The following PDE1A variants were observed in gnomAD, a reference collection of about 807,000 sequenced individuals.
PDE1A encodes the protein phosphodiesterase 1A.
A neutral mutation model predicts 61.7 loss-of-function variants in PDE1A; 35 were observed. The ratio of observed to expected loss-of-function variants is 0.57; its 90% CI spans 0.43 to 0.75. The LOEUF is 0.75. Among genes scored for constraint, PDE1A ranks in the 30% least tolerant of loss-of-function variants. PDE1A has a pLI of 0.00. For synonymous variants in PDE1A, 232 were observed against 213.2 expected (o/e 1.09, Z -0.77); for missense variants, 597 against 630.6 (o/e 0.95, Z 0.57).
At chr2:182,371,954 T>C (rs1186533728) in intron 1 of PDE1A, among the ~76,000 whole-genome samples, 1 of 152,074 alleles carries the variant, frequency 6.6e-6, no homozygotes, top group Non-Finnish European at 1.5e-5. Context: ...CTGGCTTTTT[T>C]TATTTTTATT....
intron 1 of PDE1A, among the ~76,000 whole-genome samples, chr2:182,332,108 A>G (rs1161134245): frequency 5.3e-5 from 8 of 152,136 alleles, no homozygotes; most frequent in East Asian, 1.9e-4. Flanking sequence ...TTCATCTTCA[A>G]TCTATGATAT....
the PDE1A span, among the ~76,000 whole-genome samples, chr2:182,551,100 C>A: frequency 3.0e-4 from 45 of 149,870 alleles, no homozygotes; most frequent in Middle Eastern, 3.5e-3. Context: ...TTCTGTCTGG[C>A]GGAAACAAAT....
rs139003664 is a variant in PDE1A, at chr2:182,399,821, C to G, written c.53+26757G>C. ...TTATACTATAATCAATTTAGTCAGTCTCCTGTAATGGCAATCATTAAGATT... is the reference window on the plus strand; with the variant it reads ...TTATACTATAATCAATTTAGTCAGTGTCCTGTAATGGCAATCATTAAGATT... On this transcript the variant is annotated intron_variant, in intron 1 of 13. Coordinates refer to ENST00000351439, the Ensembl canonical transcript of PDE1A. Among the ~76,000 whole-genome samples, 48 of 152,088 alleles carry G rather than the reference C, an allele frequency of 3.2e-4. 1 individual carries two copies. In the East Asian group the frequency reaches 8.7e-3, roughly 28 times the overall value.
intron 2 of PDE1A, among the ~76,000 whole-genome samples, chr2:182,517,942 C>T (rs1401544176): frequency 6.6e-6 from 1 of 152,152 alleles, no homozygotes; most frequent in African/African-American, 2.4e-5. Flanking sequence ...CAGTTGCCTC[C>T]AGAAGAGAGA....
the PDE1A span, among the ~76,000 whole-genome samples, chr2:182,560,664 G>T: frequency 2.0e-5 from 3 of 152,252 alleles, no homozygotes; most frequent in South Asian, 6.2e-4. Flanking sequence ...GGTTGAACTA[G>T]TTTACAGTCC....
At chr2:182,599,744 T>C in the PDE1A span, among the ~76,000 whole-genome samples, 1 of 152,250 alleles carries the variant, frequency 6.6e-6, no homozygotes, top group African/African-American at 2.4e-5. Flanking sequence ...TGAAACTTAA[T>C]TTTAACTGGA....
rs190073885 is a variant in PDE1A, at chr2:182,158,619, T to G, written c.1517-11467A>C. On this transcript the variant is annotated intron_variant, in intron 13 of 13. Transcript: ENST00000409365. Reference sequence around the variant, plus strand: ...GAGTTGATATTAACTTGACTGAACTTCTATTGCTAACTCTACAAAAATTTC... The same window carrying G: ...GAGTTGATATTAACTTGACTGAACTGCTATTGCTAACTCTACAAAAATTTC... Among the ~76,000 whole-genome samples the G allele has an allele frequency of 1.4e-3, 218 of 152,316 alleles. 2 individuals carry two copies. Among genetic ancestry groups the G allele is most frequent in the African/African-American group, 5.1e-3 (211 of 41,564 alleles).
At chr2:182,298,823 C>A (rs1276799548) in intron 1 of PDE1A, among the ~76,000 whole-genome samples, 3 of 151,882 alleles carry the variant, frequency 2.0e-5, no homozygotes, top group African/African-American at 7.3e-5. Context: ...GAGAAGAAGT[C>A]TTGAGGACTC....
the PDE1A span, among the ~76,000 whole-genome samples, chr2:182,694,713 GAGA>G: frequency 2.0e-5 from 3 of 151,328 alleles, no homozygotes; most frequent in African/African-American, 7.3e-5. Context: ...AAAAATTCAA[GAGA>G]AGAAGAGCAA....
the PDE1A span, among the ~76,000 whole-genome samples, chr2:182,678,342 GA>G: frequency 6.6e-6 from 1 of 152,184 alleles, no homozygotes; most frequent in Admixed American, 6.5e-5. Context: ...AGAATCGTTT[GA>G]ACCTGGGAGG....
chr2:182,369,363 T>C (rs1214563927), intron 1 of PDE1A, among the ~76,000 whole-genome samples: 2 of 152,224 alleles, frequency 1.3e-5, no homozygotes, highest in Non-Finnish European at 2.9e-5. Flanking sequence ...TTAACATCTA[T>C]TTAGAAGACA....
At chr2:182,415,562 T>C (rs1702865016) in intron 1 of PDE1A, among the ~76,000 whole-genome samples, 10 of 152,174 alleles carry the variant, frequency 6.6e-5, no homozygotes, top group Admixed American at 6.5e-4. Context: ...TTATTTATAT[T>C]ATGATAGCAA....
At chr2:182,626,354 C>T in the PDE1A span, among the ~76,000 whole-genome samples, 1 of 151,982 alleles carries the variant, frequency 6.6e-6, no homozygotes, top group Admixed American at 6.6e-5. Context: ...ACTTTAAAAT[C>T]CACAAAGTAT....
chr2:182,202,043 CT>C (rs747434260), intron 8 of PDE1A, among the ~76,000 whole-genome samples: 90 of 152,198 alleles, frequency 5.9e-4, no homozygotes, highest in Non-Finnish European at 1.2e-3. Flanking sequence ...AGTGCTTTCC[CT>C]TCTCACTCCC....
At chr2:182,415,240 C>T (rs2125545481) in intron 1 of PDE1A, among the ~76,000 whole-genome samples, 1 of 152,144 alleles carries the variant, frequency 6.6e-6, no homozygotes, top group African/African-American at 2.4e-5. Context: ...TATGTTTTCT[C>T]TTCAGAAAAT....
chr2:182,549,654 A>T, the PDE1A span, among the ~76,000 whole-genome samples: 1 of 152,272 alleles, frequency 6.6e-6, no homozygotes, highest in South Asian at 2.1e-4. Flanking sequence ...ACTCTCTTCC[A>T]ATTTAAATAG....
At chr2:182,187,115 T>C (rs1685274168) in intron 11 of PDE1A, among the ~76,000 whole-genome samples, 1 of 152,260 alleles carries the variant, frequency 6.6e-6, no homozygotes, top group Non-Finnish European at 1.5e-5. Context: ...AGTGTGTTAA[T>C]ATTTCAAATT....
intron 2 of PDE1A, among the ~76,000 whole-genome samples, chr2:182,443,335 T>A (rs1465535072): frequency 2.6e-5 from 4 of 152,094 alleles, no homozygotes; most frequent in African/African-American, 9.7e-5. Flanking sequence ...TTAAGCTTCA[T>A]AAATCACATA....
At chr2:182,602,966 T>C in the PDE1A span, among the ~76,000 whole-genome samples, 1 of 149,296 alleles carries the variant, frequency 6.7e-6, no homozygotes, top group Non-Finnish European at 1.5e-5. Context: ...GACACTCGGG[T>C]TGCCCTAAAA....
Sources: gnomAD v4.1 joint callset for allele counts (sites outside exome capture counted in the v4.1 genomes callset) on GRCh38, gnomAD v4.1.1 for gene constraint, MANE v1.5 for transcripts, NCBI Gene and HGNC (gene_info 2026-07-23, HGNC 2026-07-21) for gene names.